PTPRD: variants seen among roughly 807,000 people sequenced by gnomAD.
The protein encoded by PTPRD is protein tyrosine phosphatase receptor type D, also known as receptor-type tyrosine-protein phosphatase delta.
In PTPRD, 34 loss-of-function variants were observed where a neutral mutation model predicts 214.5. The observed-to-expected ratio is 0.16, with a 90% CI of 0.12 to 0.21. PTPRD has a LOEUF of 0.21. Among genes scored for constraint, PTPRD ranks in the 10% least tolerant of loss-of-function variants. PTPRD has a pLI of 1.00. For missense variants in PTPRD, 2,545 were observed against 2,398.7 expected, an observed-to-expected ratio of 1.06 and a Z score of -1.27; for synonymous variants, 1,128 against 845.7, an observed-to-expected ratio of 1.33 and a Z score of -5.79.
intron 8 of PTPRD, among the ~76,000 whole-genome samples, chr9:9,557,221 G>A (rs1206436272): frequency 6.6e-6 from 1 of 152,132 alleles, no homozygotes; most frequent in African/African-American, 2.4e-5. Context: ...TTCAGGCCAT[G>A]ATGGAAGGGG....
intron 8 of PTPRD, among the ~76,000 whole-genome samples, chr9:9,497,208 C>T (rs750926728): frequency 6.6e-6 from 1 of 152,034 alleles, no homozygotes; most frequent in Admixed American, 6.6e-5. Flanking sequence ...ATATTTAGTG[C>T]CACTGAGCTG....
chr9:9,461,132 A>C (rs1213625535), intron 8 of PTPRD, among the ~76,000 whole-genome samples: 1 of 151,996 alleles, frequency 6.6e-6, no homozygotes, highest in Non-Finnish European at 1.5e-5. Flanking sequence ...GTATACATGA[A>C]CATAAAGACA....
At chr9:10,089,494 G>C (rs1433041159) in intron 3 of PTPRD, among the ~76,000 whole-genome samples, 1 of 151,662 alleles carries the variant, frequency 6.6e-6, no homozygotes, top group South Asian at 2.1e-4. Flanking sequence ...ATAATGGTGA[G>C]TGGGATTAGC....
chr9:10,254,212 C>T (rs2093043773), intron 3 of PTPRD, among the ~76,000 whole-genome samples: 1 of 152,066 alleles, frequency 6.6e-6, no homozygotes, highest in Admixed American at 6.6e-5. Flanking sequence ...TGTAAGTTGG[C>T]AAATCATCTG....
chr9:10,455,815 T>G (rs2098910929), intron 2 of PTPRD, among the ~76,000 whole-genome samples: 1 of 151,838 alleles, frequency 6.6e-6, no homozygotes, highest in African/African-American at 2.4e-5. Context: ...CTATTACTCC[T>G]ACTGAATGTG....
chr9:9,350,769 AC>A (rs2050789919), intron 9 of PTPRD, among the ~76,000 whole-genome samples: 1 of 152,114 alleles, frequency 6.6e-6, no homozygotes, highest in Non-Finnish European at 1.5e-5. Context: ...ACACTATAGT[AC>A]AATATAAATT....
chr9:9,859,372 T>C (rs2062206970), intron 5 of PTPRD, among the ~76,000 whole-genome samples: 1 of 152,216 alleles, frequency 6.6e-6, no homozygotes, highest in Admixed American at 6.5e-5. Flanking sequence ...AGGAAGATTC[T>C]AAAGTTGAGT....
At chr9:9,540,326 A>G (rs2077324185) in intron 8 of PTPRD, among the ~76,000 whole-genome samples, 1 of 151,820 alleles carries the variant, frequency 6.6e-6, no homozygotes, top group African/African-American at 2.4e-5. Context: ...TGAGGTAAAG[A>G]GACATGATTT....
chr9:8,996,939 A>G (rs2099399318), intron 11 of PTPRD, among the ~76,000 whole-genome samples: 2 of 152,100 alleles, frequency 1.3e-5, no homozygotes. Flanking sequence ...GTGTTTGTCA[A>G]TACACAGAAT....
intron 37 of PTPRD, among the ~76,000 whole-genome samples, chr9:8,386,609 G>A (rs1268471279): frequency 6.6e-6 from 1 of 152,156 alleles, no homozygotes; most frequent in Non-Finnish European, 1.5e-5. Flanking sequence ...TCCAATGTCT[G>A]CTTTGAAGTT....
intron 10 of PTPRD, among the ~76,000 whole-genome samples, chr9:9,121,557 G>A (rs1386638163): frequency 6.6e-6 from 1 of 152,156 alleles, no homozygotes; most frequent in Non-Finnish European, 1.5e-5. Context: ...TATTCTAAGT[G>A]AAGTAACTCA....
intron 7 of PTPRD, among the ~76,000 whole-genome samples, chr9:9,690,648 T>A (rs569756766): frequency 6.6e-6 from 1 of 152,050 alleles, no homozygotes; most frequent in African/African-American, 2.4e-5. Flanking sequence ...TTGTTTTATA[T>A]GTTGAGAGAT....
intron 3 of PTPRD, among the ~76,000 whole-genome samples, chr9:10,094,157 G>A (rs187693025): frequency 7.6e-4 from 115 of 151,430 alleles, no homozygotes; most frequent in African/African-American, 2.6e-3. Context: ...TTAGCTGACC[G>A]CTGTCTTGGT....
intron 11 of PTPRD, among the ~76,000 whole-genome samples, chr9:8,783,891 T>TA (rs1313820424): frequency 4.6e-5 from 7 of 152,208 alleles, no homozygotes; most frequent in Admixed American, 1.3e-4. Flanking sequence ...ATATTTACGC[T>TA]ACCCCTTCAG....
chr9:9,842,894 A>G (rs1267522640), intron 5 of PTPRD, among the ~76,000 whole-genome samples: 2 of 152,048 alleles, frequency 1.3e-5, no homozygotes, highest in Non-Finnish European at 2.9e-5. Flanking sequence ...GTGATATTCT[A>G]TAAGTAAAAT....
At chr9:10,236,490 C>G (rs1471946413) in intron 3 of PTPRD, among the ~76,000 whole-genome samples, 3 of 151,952 alleles carry the variant, frequency 2.0e-5, no homozygotes, top group Admixed American at 2.0e-4. Context: ...ACATAATTTG[C>G]ATACTTGACT....
chr9:9,166,510 T>C (rs2130773644), intron 10 of PTPRD, among the ~76,000 whole-genome samples: 1 of 152,264 alleles, frequency 6.6e-6, no homozygotes, highest in African/African-American at 2.4e-5. Flanking sequence ...CCTGTGTGGC[T>C]CAAAAGTGGT....
chr9:10,506,503 G>A (rs2046015218), intron 2 of PTPRD, among the ~76,000 whole-genome samples: 1 of 152,034 alleles, frequency 6.6e-6, no homozygotes, highest in Admixed American at 6.6e-5. Context: ...CACAAAGAAA[G>A]GATAAATGCT....
chr9:8,809,594 T>C (rs966782589), intron 11 of PTPRD, among the ~76,000 whole-genome samples: 1 of 152,196 alleles, frequency 6.6e-6, no homozygotes, highest in Non-Finnish European at 1.5e-5. Context: ...TATTATGAAA[T>C]AGATGTTGCC....
Sources: allele counts gnomAD v4.1 joint callset (sites outside exome capture counted in the v4.1 genomes callset), GRCh38; gene constraint gnomAD v4.1.1; transcripts MANE v1.5; gene names NCBI Gene and HGNC (gene_info 2026-07-23, HGNC 2026-07-21).